SATB1: variants seen among roughly 807,000 people sequenced by gnomAD.
SATB1 encodes the protein DNA-binding protein SATB1.
SATB1 carries 11 observed loss-of-function variants against 86.9 expected under a neutral mutation model. The observed-to-expected ratio is 0.13, with a 90% confidence interval of 0.08 to 0.21. The LOEUF is 0.21. SATB1 is among the 10% of genes least tolerant of loss of function. SATB1 has a pLI of 1.00. For synonymous variants in SATB1, 357 were observed against 357.2 expected (o/e 1.00, Z 0.01); for missense variants, 551 against 937.6 (o/e 0.59, Z 5.39).
At chr3:18,427,584 A>G (rs1234254334), upstream of SATB1, among the ~76,000 whole-genome samples, 5 of 152,254 alleles carry the variant, frequency 3.3e-5, no homozygotes, top group East Asian at 9.6e-4. Flanking sequence ...ACATCATTTT[A>G]CAGAAATAAA....
chr3:18,400,446 C>T (rs1387188979), intron 5 of SATB1, among the ~76,000 whole-genome samples: 2 of 152,202 alleles, frequency 1.3e-5, no homozygotes, highest in Non-Finnish European at 2.9e-5. Context: ...ATCACAATTT[C>T]CTATGCTAAA....
At chr3:18,380,156 T>C (rs1695973748) in intron 8 of SATB1, among the ~76,000 whole-genome samples, 3 of 152,142 alleles carry the variant, frequency 2.0e-5, no homozygotes, top group Admixed American at 1.3e-4. Flanking sequence ...TTTTTCTCAC[T>C]GCTTAAATGA....
intron 5 of SATB1, among the ~76,000 whole-genome samples, chr3:18,397,965 A>G (rs1262889148): frequency 6.6e-6 from 1 of 152,184 alleles, no homozygotes; most frequent in Non-Finnish European, 1.5e-5. Context: ...TATCAAGAGA[A>G]AAACATTCTG....
intron 9 of SATB1, among the ~76,000 whole-genome samples, chr3:18,366,460 T>G (rs1695193070): frequency 6.6e-6 from 1 of 151,780 alleles, no homozygotes; most frequent in African/African-American, 2.4e-5. Context: ...AATCAATCAA[T>G]CAATCAATCA....
chr3:18,432,989 T>C (rs1010646382), intron 2 of SATB1, among the ~76,000 whole-genome samples: 2 of 152,148 alleles, frequency 1.3e-5, no homozygotes, highest in Middle Eastern at 3.2e-3. Flanking sequence ...GTCCAGTCTA[T>C]GCTACACAAT....
Position 18,444,871 on chromosome 3 carries a change from G to A in SATB1, c.-25+647C>T, listed in dbSNP as rs1165090342. 7.2e-6 allele frequency: 1 copy of A among 139,460 alleles called. No individual in the cohort carries two copies. Among genetic ancestry groups the A allele is most frequent in the Non-Finnish European group, 1.5e-5 (1 of 64,832 alleles). The allele number at this position is 139,460 out of a possible 1,614,324, so 8.6% of individuals were successfully genotyped here. On this transcript the variant is annotated intron_variant, in intron 1 of 3. Transcript: ENST00000415069. This position sits in a 1 kb window ranked among gnomAD's most constrained non-coding sequence, Gnocchi z 5.1. ...GAGCGAGCGCGCGGGGCCAAGGGAA[G>A]GAAGAGAAGGAGGGGGAGGGAGGAG...
At position 18,404,987 on chromosome 3, in the gene SATB1, CAG is replaced by C. The variant is rs1697450014; in HGVS notation, c.640-7699_640-7698del. On this transcript the variant is annotated intron_variant, in intron 5 of 10. Coordinates refer to ENST00000338745, the MANE Select transcript of SATB1 (RefSeq NM_002971.6). ...TATGAAATCTGTATGTCTTCTCAAACAGAGTGACTAAAAAAGATTCAATTGTA... is the reference window on the plus strand; with the variant it reads ...TATGAAATCTGTATGTCTTCTCAAACAGTGACTAAAAAAGATTCAATTGTA... 3.3e-5 allele frequency among the ~76,000 whole-genome samples: 5 copies of C among 152,104 alleles called. No individual in the cohort carries two copies. In the South Asian group the frequency reaches 1.0e-3, roughly 32 times the overall value.
intron 7 of SATB1, among the ~76,000 whole-genome samples, chr3:18,392,113 CT>C (rs575545683): frequency 3.3e-5 from 5 of 152,114 alleles, no homozygotes; most frequent in Middle Eastern, 3.4e-3. Flanking sequence ...TTGGTAATGA[CT>C]TTTTTTCCTA....
At position 18,349,818 on chromosome 3, in the gene SATB1, G is replaced by T. The variant is rs1483426053; in HGVS notation, c.1780-136C>A. ...AGGGATGAAGATTTAGAAAGAAAAG[G>T]TAGGCCGGCGAAATGGCCGACAGCA... On this transcript the variant is annotated intron_variant, in intron 10 of 10. Transcript: ENST00000338745. This position sits in a 1 kb window ranked among gnomAD's most constrained non-coding sequence, Gnocchi z 5.5. 2.1e-6 allele frequency: 3 copies of T among 1,405,924 alleles called. No homozygotes were observed. The highest frequency in any genetic ancestry group is 2.8e-6 in the Non-Finnish European group (3 of 1,075,566). The allele number at this position is 1,405,924 out of a possible 1,614,324, so 87.1% of individuals were successfully genotyped here. A position where few individuals can be genotyped will look rare whatever the true frequency, so the allele number is the denominator to read the frequency against.
At chr3:18,437,346 A>G (rs1699099251) in intron 1 of SATB1, among the ~76,000 whole-genome samples, 1 of 152,132 alleles carries the variant, frequency 6.6e-6, no homozygotes, top group Non-Finnish European at 1.5e-5. Flanking sequence ...AACCCAGTGA[A>G]AAGTTTTAAA....
intron 2 of SATB1, among the ~76,000 whole-genome samples, chr3:18,418,029 G>T (rs73177745): frequency 6.6e-5 from 10 of 152,106 alleles, no homozygotes; most frequent in Non-Finnish European, 1.2e-4. Flanking sequence ...TTTATGCAGC[G>T]CACTGTCAGA....
chr3:18,391,196 T>C (rs918009280), intron 7 of SATB1, among the ~76,000 whole-genome samples: 2 of 152,014 alleles, frequency 1.3e-5, no homozygotes, highest in African/African-American at 4.8e-5. Flanking sequence ...ATAAGAAAAT[T>C]CTCAATAGTT....
chr3:18,423,131 G>A (rs1698477288), intron 1 of SATB1, among the ~76,000 whole-genome samples: 1 of 152,168 alleles, frequency 6.6e-6, no homozygotes, highest in Admixed American at 6.5e-5. Context: ...GGCCTGCTTG[G>A]ATGACAGCAG....
At position 18,444,786 on chromosome 3, in the gene SATB1, T is replaced by C. The variant is rs1217098085; in HGVS notation, c.-25+732A>G. 1 of 334,748 alleles carries C rather than the reference T, an allele frequency of 3.0e-6. No homozygotes were observed. Among genetic ancestry groups the C allele is most frequent in the Non-Finnish European group, 4.2e-6 (1 of 236,434 alleles). The allele number at this position is 334,748 out of a possible 1,614,324, so 20.7% of individuals were successfully genotyped here. A position where few individuals can be genotyped will look rare whatever the true frequency, so the allele number is the denominator to read the frequency against. ...AAGTTAATTGCAACTTGACTTCAAG[T>C]TGTCCTCTTTCCCCATACGAAGTGG... On this transcript the variant is annotated intron_variant, in intron 1 of 3. Coordinates refer to the SATB1 transcript ENST00000415069. This position sits in a 1 kb window ranked among gnomAD's most constrained non-coding sequence, Gnocchi z 5.1.
chr3:18,424,407 C>T lies in SATB1; in HGVS notation c.-805G>A, dbSNP rs747848294. On this transcript the variant is annotated 5_prime_UTR_variant, in exon 1 of 11. Transcript: ENST00000338745. ...TCGCACCCCCAACGAGGGCATCTAG[C>T]GGGGGACAGCGAGGGTGGGGGGCAG... 4.1e-4 allele frequency: 62 copies of T among 151,294 alleles called. No individual in the cohort carries two copies. Among genetic ancestry groups the T allele is most frequent in the Middle Eastern group, 3.5e-3 (1 of 286 alleles). 9.4% of individuals were successfully genotyped at this position (151,294 alleles called of 1,614,324 possible).
intron 2 of SATB1, among the ~76,000 whole-genome samples, chr3:18,430,857 T>C (rs925149023): frequency 7.2e-5 from 11 of 152,214 alleles, no homozygotes; most frequent in African/African-American, 2.7e-4. Context: ...ACAGTTTTAA[T>C]AGACAAAGGT....
chr3:18,354,646 G>A (rs902129465), intron 9 of SATB1, among the ~76,000 whole-genome samples: 7 of 152,036 alleles, frequency 4.6e-5, no homozygotes, highest in African/African-American at 1.7e-4. Context: ...AAAAACTCCA[G>A]TGATTTTTCA....
intron 8 of SATB1, among the ~76,000 whole-genome samples, chr3:18,384,484 A>C (rs1696224719): frequency 6.6e-6 from 1 of 151,930 alleles, no homozygotes; most frequent in Non-Finnish European, 1.5e-5. Context: ...AAAGCAGTTC[A>C]ATGTTGAAGT....
chr3:18,430,864 AG>A (rs1698866108), intron 2 of SATB1, among the ~76,000 whole-genome samples: 1 of 152,220 alleles, frequency 6.6e-6, no homozygotes. Flanking sequence ...TAATAGACAA[AG>A]GTCATTATAG....
Sources: gnomAD v4.1 joint callset for allele counts (sites outside exome capture counted in the v4.1 genomes callset) on GRCh38, gnomAD v4.1.1 for gene constraint, Gnocchi (gnomAD v3.1) non-coding constraint, MANE v1.5 for transcripts, NCBI Gene and HGNC (gene_info 2026-07-23, HGNC 2026-07-21) for gene names.